The following ANKHD1 variants were observed in gnomAD, a reference collection of about 807,000 sequenced individuals.
ANKHD1 encodes ankyrin repeat and KH domain-containing protein 1.
Under a neutral mutation model 230.5 loss-of-function variants are expected in ANKHD1, and 31 were observed. The ratio of observed to expected loss-of-function variants is 0.13; its 90% CI spans 0.10 to 0.18. The LOEUF (loss-of-function observed/expected upper bound fraction) is 0.18, where lower values mean the gene tolerates loss of function less well. Among genes scored for constraint, ANKHD1 ranks in the 10% least tolerant of loss-of-function variants. The pLI, the probability that ANKHD1 is intolerant of heterozygous loss-of-function variation, is 1.00. For synonymous variants in ANKHD1, 1,074 were observed against 1,117.6 expected (o/e 0.96, Z 0.78); for missense variants, 2,256 against 3,071.3 (o/e 0.73, Z 6.27).
chr5:140,482,853 A>C (rs1487435950), intron 11 of ANKHD1, among the ~76,000 whole-genome samples, 186 bp downstream of exon 11: 1 of 152,152 alleles, frequency 6.6e-6, no homozygotes, highest in Non-Finnish European at 1.5e-5. Flanking sequence ...TTTCTTTATT[A>C]GTTTTGAATT....
chr5:140,496,464 T>G, intron 14 of ANKHD1, 56 bp from the exon 15 acceptor site: 4 of 852,190 alleles, frequency 4.7e-6, no homozygotes, highest in East Asian at 5.0e-5. Flanking sequence ...TTCTTTTCTT[T>G]TTTTTTTTTT....
chr5:140,518,376 C>T (rs1323501092), intron 24 of ANKHD1, among the ~76,000 whole-genome samples: 1 of 151,980 alleles, frequency 6.6e-6, no homozygotes, highest in East Asian at 1.9e-4. Context: ...GGAGCTGGTA[C>T]CATTCCTTCT....
intron 1 of ANKHD1, among the ~76,000 whole-genome samples, chr5:140,411,890 G>A (rs1259391561): frequency 6.6e-6 from 1 of 150,798 alleles, no homozygotes. Context: ...GTGCGGTGGT[G>A]CAGGAGTGCA....
At chr5:140,471,278 C>A (rs1459940435) in intron 10 of ANKHD1, among the ~76,000 whole-genome samples, 1 of 152,132 alleles carries the variant, frequency 6.6e-6, no homozygotes, top group East Asian at 1.9e-4. Context: ...ATTCCCTGTT[C>A]TCTTCAATTT....
intron 10 of ANKHD1, among the ~76,000 whole-genome samples, chr5:140,475,253 C>G (rs1320018998): frequency 6.6e-6 from 1 of 152,114 alleles, no homozygotes; most frequent in African/African-American, 2.4e-5. Flanking sequence ...GATTAAAGAT[C>G]TCCGTGGACT....
chr5:140,455,900 A>G (rs566251199), intron 7 of ANKHD1, among the ~76,000 whole-genome samples: 8 of 152,324 alleles, frequency 5.3e-5, no homozygotes, highest in African/African-American at 1.2e-4. Context: ...AGGGTATTCA[A>G]TTAGGAAAAG....
intron 14 of ANKHD1, among the ~76,000 whole-genome samples, chr5:140,491,287 G>T (rs1237518165): frequency 6.8e-6 from 1 of 147,420 alleles, no homozygotes; most frequent in Non-Finnish European, 1.5e-5. Context: ...CCTCAGCCCT[G>T]CAGGTAGCTG....
intron 11 of ANKHD1, 127 bp from the exon 12 acceptor site, chr5:140,484,994 T>C: frequency 7.3e-7 from 1 of 1,364,500 alleles, no homozygotes; most frequent in South Asian, 1.7e-5. Flanking sequence ...ATTCAAACTA[T>C]ACACTTAATG....
chr5:140,479,065 C>T (rs1293435082), intron 10 of ANKHD1, among the ~76,000 whole-genome samples: 1 of 151,824 alleles, frequency 6.6e-6, no homozygotes, highest in East Asian at 1.9e-4. Flanking sequence ...GTGGCACGAT[C>T]TTGGCTCGCT....
chr5:140,426,370 C>T (rs573179600), intron 1 of ANKHD1, among the ~76,000 whole-genome samples: 1 of 152,320 alleles, frequency 6.6e-6, no homozygotes, highest in South Asian at 2.1e-4. Context: ...CTCAGGTGAT[C>T]TGCCTGCCTC....
chr5:140,456,160 AAAGGACCT>A (rs1368088439), intron 7 of ANKHD1, among the ~76,000 whole-genome samples: 20 of 152,066 alleles, frequency 1.3e-4, no homozygotes, highest in Admixed American at 1.2e-3. Context: ...CAAGGGATGT[AAAGGACCT>A]CTTCAAGGAG....
intron 11 of ANKHD1, among the ~76,000 whole-genome samples, chr5:140,484,070 C>A (rs551450829): frequency 8.5e-5 from 13 of 152,266 alleles, no homozygotes; most frequent in African/African-American, 3.1e-4. Context: ...AAAATAATTT[C>A]ATGTTGCTAA....
chr5:140,402,329 G>A lies in ANKHD1; in HGVS notation c.306+56G>A, dbSNP rs185785039. The stretch of plus-strand genomic sequence containing the variant: ...ATTGTGAGGCGTGAATTCTCTTTGG[G>A]TAGGCTCTGGGCCGGGGCCATCCTC... On this transcript the variant is annotated intron_variant, in intron 1 of 33. Coordinates refer to ENST00000360839, the MANE Select transcript of ANKHD1 (RefSeq NM_017747.3). The A allele has an allele frequency of 1.3e-4, 186 of 1,416,500 alleles. 2 individuals are homozygous for A. In the East Asian group the frequency reaches 5.3e-3, roughly 41 times the overall value. 87.7% of individuals were successfully genotyped at this position (1,416,500 alleles called of 1,614,324 possible).
Position 140,535,343 on chromosome 5 carries a change from T to TAGCTAATTA in ANKHD1, c.6851-19_6851-18insAGCTAATTA. 6.4e-7 allele frequency: 1 copy of TAGCTAATTA among 1,570,062 alleles called. No individual in the cohort carries two copies. The highest frequency in any genetic ancestry group is 8.6e-7 in the Non-Finnish European group (1 of 1,162,726). The stretch of plus-strand genomic sequence containing the variant: ...TAAAGTTTTAGCTAATTGGATGTCT[T>TAGCTAATTA]GGACCTGTTTTATTTCAGGGTTACC... On this transcript the variant is annotated intron_variant, in intron 29 of 33. Transcript: ENST00000360839.
At chr5:140,457,884 A>G (rs1435969162) in intron 7 of ANKHD1, among the ~76,000 whole-genome samples, 3 of 152,252 alleles carry the variant, frequency 2.0e-5, no homozygotes, top group South Asian at 4.2e-4. Flanking sequence ...TTTTGACATT[A>G]AAAATTTGAA....
intron 1 of ANKHD1, among the ~76,000 whole-genome samples, chr5:140,426,980 A>G (rs1448575633): frequency 6.6e-6 from 1 of 152,074 alleles, no homozygotes; most frequent in Non-Finnish European, 1.5e-5. Context: ...CCCCCTTTCT[A>G]TTCCACAAAA....
At chr5:140,452,714 C>G (rs1300690410) in intron 7 of ANKHD1, among the ~76,000 whole-genome samples, 1 of 152,140 alleles carries the variant, frequency 6.6e-6, no homozygotes, top group Non-Finnish European at 1.5e-5. Flanking sequence ...AAAACCCCAT[C>G]TGTACGTCAC....
chr5:140,413,420 G>T (rs1771097922), intron 1 of ANKHD1, among the ~76,000 whole-genome samples: 1 of 152,030 alleles, frequency 6.6e-6, no homozygotes, highest in Non-Finnish European at 1.5e-5. Context: ...ACATTGTTGT[G>T]CAACCTTCAC....
intron 22 of ANKHD1, among the ~76,000 whole-genome samples, chr5:140,511,180 T>G (rs1752752324): frequency 6.6e-6 from 1 of 152,200 alleles, no homozygotes; most frequent in African/African-American, 2.4e-5. Context: ...ATCTGCTGTA[T>G]TTTTAAAAGC....
Sources: gnomAD v4.1 joint callset for allele counts (sites outside exome capture counted in the v4.1 genomes callset) on GRCh38, gnomAD v4.1.1 for gene constraint, MANE v1.5 for transcripts, NCBI Gene and HGNC (gene_info 2026-07-23, HGNC 2026-07-21) for gene names.